The following CDKN2B-AS1 variants were observed in gnomAD, a reference collection of about 807,000 sequenced individuals.
CDKN2B-AS1 encodes the protein CDKN2B antisense RNA 1 (non-protein coding).
At chr9:22,113,447 T>G (rs1825855566) in intron 4 of CDKN2B-AS1, among the ~76,000 whole-genome samples, 1 of 152,224 alleles carries the variant, frequency 6.6e-6, no homozygotes, top group Non-Finnish European at 1.5e-5. Context: ...CTGGATAATC[T>G]TTTACTTAAA....
intron 1 of CDKN2B-AS1, among the ~76,000 whole-genome samples, chr9:22,018,174 A>G (rs1461890194): frequency 6.6e-6 from 1 of 151,720 alleles, no homozygotes; most frequent in Non-Finnish European, 1.5e-5. Flanking sequence ...AAATACAAAA[A>G]TTAGCTGGGG....
intron 3 of CDKN2B-AS1, among the ~76,000 whole-genome samples, chr9:22,051,407 C>T (rs1823340328): frequency 1.3e-5 from 2 of 152,100 alleles, no homozygotes. Context: ...AAGAGTTATG[C>T]TTATAAGAGT....
At chr9:22,091,555 T>C (rs929570350) in intron 4 of CDKN2B-AS1, among the ~76,000 whole-genome samples, 2 of 152,184 alleles carry the variant, frequency 1.3e-5, no homozygotes, top group African/African-American at 4.8e-5. Flanking sequence ...CCCTTGCAAG[T>C]TGGATTCCTA....
At chr9:22,052,420 A>C (rs1479615748) in intron 3 of CDKN2B-AS1, among the ~76,000 whole-genome samples, 1 of 152,188 alleles carries the variant, frequency 6.6e-6, no homozygotes, top group African/African-American at 2.4e-5. Context: ...CTACAAAGAG[A>C]TGCATGACAG....
intron 1 of CDKN2B-AS1, among the ~76,000 whole-genome samples, chr9:22,013,187 C>A (rs1013470135): frequency 1.3e-5 from 2 of 152,114 alleles, no homozygotes; most frequent in African/African-American, 4.8e-5. Flanking sequence ...CCCCAATGGC[C>A]TTATTTTAAC....
At chr9:22,002,283 T>G (rs1350411823) in intron 1 of CDKN2B-AS1, among the ~76,000 whole-genome samples, 2 of 152,054 alleles carry the variant, frequency 1.3e-5, no homozygotes, top group African/African-American at 4.8e-5. Flanking sequence ...TTCACATGAG[T>G]GCTTCTTCAG....
At position 22,015,591 on chromosome 9, in the gene CDKN2B-AS1, A is replaced by G. The variant is rs184814020; in HGVS notation, n.29+20430A>G. Among the ~76,000 whole-genome samples the G allele has an allele frequency of 9.9e-3, 1,513 of 152,126 alleles. 28 individuals are homozygous for G. Among genetic ancestry groups the G allele is most frequent in the African/African-American group, 0.034 (1,421 of 41,562 alleles). On this transcript the variant is annotated intron_variant and non_coding_transcript_variant, in intron 1 of 4. Transcript: ENST00000650946. ...TCTAAAAATATTGAATCTTCAATTC[A>G]TTAACATGAATTTATTCCCCCATTT... is the stretch of plus-strand genomic sequence containing the variant.
intron 4 of CDKN2B-AS1, among the ~76,000 whole-genome samples, chr9:22,098,852 A>AT (rs1234765264): frequency 6.6e-6 from 1 of 152,158 alleles, no homozygotes; most frequent in African/African-American, 2.4e-5. Context: ...AGATGTGTTG[A>AT]TTACATCTAG....
chr9:22,108,072 G>A (rs1422917720), intron 4 of CDKN2B-AS1, among the ~76,000 whole-genome samples: 1 of 152,202 alleles, frequency 6.6e-6, no homozygotes, highest in Non-Finnish European at 1.5e-5. Flanking sequence ...AGAAGTTGCT[G>A]TGACTTTGTC....
intron 1 of CDKN2B-AS1, among the ~76,000 whole-genome samples, chr9:22,016,645 A>T (rs955514243): frequency 3.3e-5 from 5 of 152,162 alleles, no homozygotes; most frequent in Non-Finnish European, 7.3e-5. Flanking sequence ...ATAACACCGC[A>T]TATCTACAAC....
In CDKN2B-AS1 at chr9:22,025,667, A is replaced by T. The variant is rs182566729; in HGVS notation, n.30-21084A>T. Among the ~76,000 whole-genome samples the T allele has an allele frequency of 2.0e-5, 3 of 152,338 alleles. No individual in the cohort carries two copies. The East Asian group carries it at 5.8e-4, about 29-fold the overall frequency. On this transcript the variant is annotated intron_variant and non_coding_transcript_variant, in intron 1 of 4. Coordinates refer to ENST00000650946, the Ensembl canonical transcript of CDKN2B-AS1. ...GGAGGTGTCACCAGTGAAAGCTGCG[A>T]AACAGCAAAGATGGTGGCCTTCCTT...
intron 1 of CDKN2B-AS1, among the ~76,000 whole-genome samples, chr9:22,038,212 C>T (rs1822765544): frequency 6.6e-6 from 1 of 151,272 alleles, no homozygotes; most frequent in Admixed American, 6.6e-5. Context: ...TTTTTCAGTG[C>T]AATTTTCATA....
At chr9:22,035,917 C>A (rs563762286) in intron 1 of CDKN2B-AS1, among the ~76,000 whole-genome samples, 1 of 152,072 alleles carries the variant, frequency 6.6e-6, no homozygotes, top group Admixed American at 6.6e-5. Flanking sequence ...GCATCAATCA[C>A]GGTGAAGGAG....
chr9:22,009,015 A>C, intron 1 of CDKN2B-AS1: 2 of 1,608,008 alleles, frequency 1.2e-6, no homozygotes, highest in South Asian at 1.1e-5. Context: ...ACTTAACGAC[A>C]CTCTTCCCTT....
At chr9:22,068,017 A>G (rs1824131439) in intron 4 of CDKN2B-AS1, among the ~76,000 whole-genome samples, 1 of 152,208 alleles carries the variant, frequency 6.6e-6, no homozygotes, top group African/African-American at 2.4e-5. Context: ...AGCACAAACC[A>G]TGACTTTTGG....
intron 1 of CDKN2B-AS1, among the ~76,000 whole-genome samples, chr9:22,014,294 C>T (rs930419791): frequency 6.6e-6 from 1 of 152,110 alleles, no homozygotes; most frequent in African/African-American, 2.4e-5. Flanking sequence ...TCCCCAATAG[C>T]TAGGACTACA....
At chr9:22,102,333 A>G (rs1825514619) in intron 4 of CDKN2B-AS1, among the ~76,000 whole-genome samples, 1 of 152,202 alleles carries the variant, frequency 6.6e-6, no homozygotes, top group Admixed American at 6.5e-5. Context: ...CATTACCTAC[A>G]TGATTCTGTG....
chr9:22,065,332 CAA>C (rs1416167213), intron 4 of CDKN2B-AS1, among the ~76,000 whole-genome samples: 3 of 152,294 alleles, frequency 2.0e-5, no homozygotes, highest in Middle Eastern at 6.8e-3. Flanking sequence ...ATGCCCTAAG[CAA>C]AGATTGCCAG....
intron 4 of CDKN2B-AS1, among the ~76,000 whole-genome samples, chr9:22,083,440 GAT>G (rs1824766655): frequency 6.6e-6 from 1 of 152,204 alleles, no homozygotes; most frequent in Non-Finnish European, 1.5e-5. Flanking sequence ...ACAGATATGA[GAT>G]ATGGTAAGAA....
Sources: allele counts gnomAD v4.1 joint callset (sites outside exome capture counted in the v4.1 genomes callset), GRCh38; gene constraint gnomAD v4.1.1; transcripts MANE v1.5; gene names NCBI Gene and HGNC (gene_info 2026-07-23, HGNC 2026-07-21).